The following GPR149 variants were observed in gnomAD, a reference collection of about 807,000 sequenced individuals.
GPR149 encodes G protein-coupled receptor 149.
GPR149 carries 50 observed loss-of-function variants against 50.2 expected under a neutral mutation model. The ratio of observed to expected loss-of-function variants is 1.00; its 90% CI spans 0.79 to 1.26. GPR149 has a LOEUF of 1.26. GPR149 is among the 50% of genes most tolerant of loss of function. The probability of loss-of-function intolerance (pLI) is 0.00; values close to 1 mark genes in which losing one functional copy is unlikely to be tolerated. For missense variants in GPR149, 983 were observed against 895.4 expected (o/e 1.10, Z -1.25); for synonymous variants, 405 against 358.2 (o/e 1.13, Z -1.48).
At chr3:154,353,203 T>A (rs557552673) in intron 3 of GPR149, 1 of 1,532,350 alleles carries the variant, frequency 6.5e-7, no homozygotes, top group African/African-American at 1.4e-5. Context: ...ACATCTCCAA[T>A]AACTGCTGGC....
intron 3 of GPR149, among the ~76,000 whole-genome samples, chr3:154,372,192 G>A (rs1216123335): frequency 6.6e-6 from 1 of 152,184 alleles, no homozygotes; most frequent in Non-Finnish European, 1.5e-5. Flanking sequence ...GGCTCAGAAA[G>A]CTGTGAAACT....
chr3:154,337,749 A>T lies in GPR149; in HGVS notation c.2146T>A (p.Leu716Met). ...ERDGYQEEIQLLNKAYRKREE... is the reference protein window; with the variant it reads ...ERDGYQEEIQMLNKAYRKREE... Reference sequence around the variant, plus strand: ...CTTTTTCTGTAAGCTTTATTTAACAACTGGATTTCCTCCTGGTAGCCATCC... The same window carrying T: ...CTTTTTCTGTAAGCTTTATTTAACATCTGGATTTCCTCCTGGTAGCCATCC... Residue 716 changes from leucine to methionine, a missense_variant, in exon 4 of 4, where the codon TTG (leucine) becomes ATG (methionine). By Grantham distance (15) the Leu-to-Met change is conservative (BLOSUM62 2). Transcript: ENST00000389740. 6.2e-7 allele frequency: 1 copy of T among 1,611,922 alleles called. No homozygotes were observed. The highest frequency in any genetic ancestry group is 8.5e-7 in the Non-Finnish European group (1 of 1,179,174).
chr3:154,392,527 A>T (rs1221035178), intron 3 of GPR149, among the ~76,000 whole-genome samples: 1 of 151,808 alleles, frequency 6.6e-6, no homozygotes, highest in East Asian at 1.9e-4. Context: ...CGTCTCAAGA[A>T]GCTGAAAAAG....
intron 3 of GPR149, among the ~76,000 whole-genome samples, chr3:154,346,914 G>C (rs894315105): frequency 2.0e-5 from 3 of 152,132 alleles, no homozygotes; most frequent in African/African-American, 7.2e-5. Context: ...TGTTTTTAAT[G>C]ATGAAAACTC....
At chr3:154,338,644 T>C (rs2108382096) in intron 3 of GPR149, among the ~76,000 whole-genome samples, 1 of 152,378 alleles carries the variant, frequency 6.6e-6, no homozygotes, top group South Asian at 2.1e-4. Context: ...CATACTCAGT[T>C]ACATTAAAAC....
At chr3:154,397,334 T>C (rs1364859382) in intron 3 of GPR149, among the ~76,000 whole-genome samples, 1 of 152,118 alleles carries the variant, frequency 6.6e-6, no homozygotes, top group African/African-American at 2.4e-5. Flanking sequence ...TTATGGCTTA[T>C]ATGATCAGAC....
chr3:154,408,651 C>A (rs1711757370), intron 3 of GPR149, among the ~76,000 whole-genome samples: 1 of 152,272 alleles, frequency 6.6e-6, no homozygotes, highest in Non-Finnish European at 1.5e-5. Context: ...GGAACCACAC[C>A]CCCATCCCCC....
chr3:154,387,610 C>T (rs1715075149), intron 3 of GPR149, among the ~76,000 whole-genome samples: 1 of 152,100 alleles, frequency 6.6e-6, no homozygotes, highest in Non-Finnish European at 1.5e-5. Context: ...ATTATTTCCC[C>T]AGTTCAATCA....
intron 1 of GPR149, among the ~76,000 whole-genome samples, chr3:154,428,149 C>G (rs1343958673): frequency 6.6e-6 from 1 of 152,196 alleles, no homozygotes; most frequent in Admixed American, 6.5e-5. Context: ...GGAACAAAAG[C>G]CTGTTTTGTT....
chr3:154,400,073 G>T (rs570094164), intron 3 of GPR149, among the ~76,000 whole-genome samples: 1 of 152,194 alleles, frequency 6.6e-6, no homozygotes, highest in South Asian at 2.1e-4. Flanking sequence ...TGCAAGCTCC[G>T]CCTCCCGGGT....
intron 3 of GPR149, chr3:154,353,868 T>G: frequency 1.7e-6 from 1 of 593,346 alleles, no homozygotes; most frequent in Non-Finnish European, 3.1e-6. Flanking sequence ...TATGTTACCC[T>G]TTGATGTTTC....
chr3:154,373,432 C>T (rs1186793094), intron 3 of GPR149, among the ~76,000 whole-genome samples: 3 of 152,180 alleles, frequency 2.0e-5, no homozygotes, highest in Non-Finnish European at 4.4e-5. Context: ...ATGAAATTTA[C>T]ATCGAAAAGC....
chr3:154,363,953 G>A (rs536206175), intron 3 of GPR149, among the ~76,000 whole-genome samples: 5 of 152,264 alleles, frequency 3.3e-5, no homozygotes, highest in Admixed American at 6.5e-5. Context: ...TCTTGGTTGT[G>A]GGACAAGAAC....
In GPR149 at chr3:154,428,739, G is replaced by C; in HGVS notation, c.877C>G (p.Arg293Gly). The change falls in exon 1 of 4, where the codon CGG (arginine) becomes GGG (glycine). Residue 293 changes from arginine to glycine, a missense_variant. Physicochemically the swap from Arg to Gly is moderately radical, Grantham distance 125. Transcript: ENST00000389740. ...CTCCTGGTGCCATAGAGAGTCCCCC[G>C]GTTCTCACGCCTGCAGGCTTCAGCC... ...AGAEACRRENRGTLYGTRSFT... is the reference protein window; with the variant it reads ...AGAEACRRENGGTLYGTRSFT... 1.2e-6 allele frequency: 2 copies of C among 1,614,066 alleles called. No homozygotes were observed. The highest frequency in any genetic ancestry group is 1.7e-6 in the Non-Finnish European group (2 of 1,180,038).
intron 3 of GPR149, among the ~76,000 whole-genome samples, chr3:154,374,169 C>CTTTTTTTTTTTT (rs3069044): frequency 3.9e-5 from 4 of 103,158 alleles, no homozygotes; most frequent in African/African-American, 1.2e-4. Context: ...CTTTTCTTTT[C>CTTTTTTTTTTTT]TTTTTTTTTT....
chr3:154,368,889 C>T (rs940872578), intron 3 of GPR149, among the ~76,000 whole-genome samples: 1 of 152,226 alleles, frequency 6.6e-6, no homozygotes, highest in East Asian at 1.9e-4. Context: ...GCCCCAGACC[C>T]GGGCCTTGCC....
Position 154,357,854 on chromosome 3 carries a change from G to A in GPR149, c.1624-19583C>T, listed in dbSNP as rs961937911. Among the ~76,000 whole-genome samples, 6 of 152,034 alleles carry A rather than the reference G, an allele frequency of 3.9e-5. No individual in the cohort carries two copies. In the South Asian group the frequency reaches 6.2e-4, roughly 16 times the overall value. On this transcript the variant is annotated intron_variant, in intron 3 of 3. Transcript: ENST00000389740. ...ACACATGCACACGTATGTTTATTGC[G>A]GCACTTTTCACAATAGCAAAGACTT...
chr3:154,366,899 G>A (rs966405442), intron 3 of GPR149, among the ~76,000 whole-genome samples: 1 of 152,164 alleles, frequency 6.6e-6, no homozygotes, highest in Non-Finnish European at 1.5e-5. Context: ...CACTCATATT[G>A]GCTCAGAATA....
chr3:154,371,455 G>A (rs770778503), intron 3 of GPR149, among the ~76,000 whole-genome samples: 36 of 152,100 alleles, frequency 2.4e-4, no homozygotes, highest in Admixed American at 1.2e-3. Context: ...TATTGTAGGA[G>A]TCGGAATACT....
Sources: gnomAD v4.1 joint callset for allele counts (sites outside exome capture counted in the v4.1 genomes callset) on GRCh38, gnomAD v4.1.1 for gene constraint, MANE v1.5 for transcripts, NCBI Gene and HGNC (gene_info 2026-07-23, HGNC 2026-07-21) for gene names.